Variants in MCUB observed in about 807,000 individuals in gnomAD.
MCUB encodes the protein mitochondrial calcium uniporter dominant negative subunit beta, also known as calcium uniporter regulatory subunit MCUb, mitochondrial.
A neutral mutation model predicts 41.4 loss-of-function variants in MCUB; 46 were observed. That is an observed-to-expected ratio of 1.11 (90% confidence interval 0.88 to 1.42). The LOEUF is 1.42. Among genes scored for constraint, MCUB ranks in the 40% most tolerant of loss-of-function variants. The probability of loss-of-function intolerance (pLI) is 0.00; values close to 1 mark genes in which losing one functional copy is unlikely to be tolerated. For missense variants in MCUB, 403 were observed against 404.9 expected (o/e 1.00, Z 0.04); for synonymous variants, 148 against 148.2 (o/e 1.00, Z 0.01).
intron 1 of MCUB, among the ~76,000 whole-genome samples, chr4:109,578,822 T>A (rs1407162232): frequency 6.6e-6 from 1 of 152,148 alleles, no homozygotes; most frequent in Non-Finnish European, 1.5e-5. Flanking sequence ...TCTCTCTTTT[T>A]TGAAGCACAG....
intron 1 of MCUB, among the ~76,000 whole-genome samples, chr4:109,597,552 A>G (rs1727598528): frequency 7.3e-6 from 1 of 137,134 alleles, no homozygotes; most frequent in Non-Finnish European, 1.6e-5. Context: ...CTGGCCGGGC[A>G]GAGGGGCTCC....
At chr4:109,605,082 G>C (rs916985120) in intron 1 of MCUB, among the ~76,000 whole-genome samples, 4 of 152,042 alleles carry the variant, frequency 2.6e-5, no homozygotes, top group African/African-American at 9.7e-5. Flanking sequence ...TCACAAGTTC[G>C]AGTAGGATTG....
intron 4 of MCUB, among the ~76,000 whole-genome samples, chr4:109,669,044 C>A (rs1310977495): frequency 6.6e-6 from 1 of 151,972 alleles, no homozygotes; most frequent in Non-Finnish European, 1.5e-5. Flanking sequence ...TTCTTTTGAA[C>A]CGACTGTTAT....
chr4:109,642,295 G>C (rs1346489975), intron 1 of MCUB, among the ~76,000 whole-genome samples: 1 of 152,162 alleles, frequency 6.6e-6, no homozygotes, highest in Admixed American at 6.5e-5. Flanking sequence ...ATACTACTGA[G>C]TGAGCCCTGA....
intron 1 of MCUB, among the ~76,000 whole-genome samples, chr4:109,627,640 C>T (rs972250630): frequency 3.3e-5 from 5 of 152,152 alleles, no homozygotes; most frequent in Non-Finnish European, 7.3e-5. Context: ...AGACTGGGCA[C>T]GGTGGTTCAC....
At chr4:109,623,125 T>C (rs1218850004) in intron 1 of MCUB, among the ~76,000 whole-genome samples, 1 of 152,188 alleles carries the variant, frequency 6.6e-6, no homozygotes, top group Non-Finnish European at 1.5e-5. Context: ...GTTGGGACTT[T>C]CACGATCCAT....
rs1727131589 is a variant in MCUB, at chr4:109,579,990, G to A, written c.99+19554G>A. Among the ~76,000 whole-genome samples, 5 of 152,148 alleles carry A rather than the reference G, an allele frequency of 3.3e-5. No homozygotes were observed. In the South Asian group the frequency reaches 1.0e-3, roughly 32 times the overall value. On this transcript the variant is annotated intron_variant, in intron 1 of 7. Coordinates refer to ENST00000394650, the MANE Select transcript of MCUB (RefSeq NM_017918.5). ...GTTGGTTTGCTACACCCATTAACTC[G>A]TCATTTACATTAGGTATTTCTAATG...
intron 4 of MCUB, among the ~76,000 whole-genome samples, chr4:109,668,897 C>A (rs1425234225): frequency 6.6e-6 from 1 of 151,994 alleles, no homozygotes; most frequent in Admixed American, 6.6e-5. Flanking sequence ...TGCTTCACGG[C>A]TAGTGCAAAT....
chr4:109,686,787 G>T (rs958814534), intron 7 of MCUB, among the ~76,000 whole-genome samples: 1 of 152,124 alleles, frequency 6.6e-6, no homozygotes, highest in Admixed American at 6.5e-5. Context: ...GAAGCAGGAA[G>T]ATCCCTTGAA....
intron 4 of MCUB, among the ~76,000 whole-genome samples, chr4:109,665,234 T>C (rs1454366768): frequency 6.6e-6 from 1 of 152,232 alleles, no homozygotes; most frequent in East Asian, 1.9e-4. Flanking sequence ...ATCATCTTGT[T>C]TTTATTAATC....
intron 1 of MCUB, among the ~76,000 whole-genome samples, chr4:109,580,509 G>C (rs139170839): frequency 0.018 from 2,757 of 152,300 alleles, 61 homozygotes; most frequent in South Asian, 0.072. Flanking sequence ...GTGTAAAAGC[G>C]TTCCTATTTC....
chr4:109,567,467 G>A (rs552218045), intron 1 of MCUB, among the ~76,000 whole-genome samples: 3 of 48,878 alleles, frequency 6.1e-5, no homozygotes, highest in Admixed American at 3.3e-4. Flanking sequence ...TTTGGAGATC[G>A]AGACCATCTT....
In MCUB at chr4:109,608,899, A is replaced by G. The variant is rs1380930834; in HGVS notation, c.99+48463A>G. On this transcript the variant is annotated intron_variant, in intron 1 of 7. Transcript: ENST00000394650. ...TATTTAAAGGGACTTGGGTGTTGTG[A>G]TCTAAGCAATATCTGCATTAGGGAG... is the stretch of plus-strand genomic sequence containing the variant. Among the ~76,000 whole-genome samples the G allele has an allele frequency of 2.0e-5, 3 of 152,160 alleles. No homozygotes were observed. The South Asian group carries it at 6.2e-4, about 31-fold the overall frequency.
At chr4:109,599,109 T>G (rs1342412192) in intron 1 of MCUB, among the ~76,000 whole-genome samples, 2 of 152,228 alleles carry the variant, frequency 1.3e-5, no homozygotes, top group Non-Finnish European at 2.9e-5. Context: ...CAATGGATAT[T>G]TAATTAAGCT....
chr4:109,604,125 C>G lies in MCUB; in HGVS notation c.99+43689C>G, dbSNP rs1433944820. On this transcript the variant is annotated intron_variant, in intron 1 of 7. Transcript: ENST00000394650. ...CTCTGAAACATGTGCTGTGTCCACT[C>G]AGGGTTAAATGGATTAAGGGCGGTG... 2.6e-5 allele frequency among the ~76,000 whole-genome samples: 4 copies of G among 151,998 alleles called. No homozygotes were observed. The East Asian group carries it at 7.7e-4, about 29-fold the overall frequency.
chr4:109,582,540 A>T (rs941712149), intron 1 of MCUB, among the ~76,000 whole-genome samples: 3 of 131,772 alleles, frequency 2.3e-5, no homozygotes, highest in African/African-American at 9.0e-5. Flanking sequence ...ATAAAATTTA[A>T]AAAAAAAATC....
At chr4:109,652,022 G>A (rs922877362) in intron 1 of MCUB, among the ~76,000 whole-genome samples, 1 of 152,186 alleles carries the variant, frequency 6.6e-6, no homozygotes, top group Admixed American at 6.5e-5. Context: ...GGCTCAGTTG[G>A]TTTCTTCTGA....
chr4:109,635,984 G>C (rs896312071), intron 1 of MCUB, among the ~76,000 whole-genome samples: 1 of 152,210 alleles, frequency 6.6e-6, no homozygotes, highest in African/African-American at 2.4e-5. Flanking sequence ...TTAGGTATAT[G>C]TGTATTTAGA....
At chr4:109,657,190 G>A (rs1729122993) in intron 1 of MCUB, among the ~76,000 whole-genome samples, 2 of 138,808 alleles carry the variant, frequency 1.4e-5, no homozygotes. Context: ...CTGCACTCCA[G>A]CCTGGGCAAC....
Sources: gnomAD v4.1 joint callset for allele counts (sites outside exome capture counted in the v4.1 genomes callset) on GRCh38, gnomAD v4.1.1 for gene constraint, MANE v1.5 for transcripts, NCBI Gene and HGNC (gene_info 2026-07-23, HGNC 2026-07-21) for gene names.